Variants in WWOX observed in about 807,000 individuals in gnomAD.
WWOX encodes WW domain-containing oxidoreductase.
WWOX carries 69 observed loss-of-function variants against 46.2 expected under a neutral mutation model. The observed-to-expected ratio is 1.49, with a 90% confidence interval of 1.23 to 1.82. The LOEUF (loss-of-function observed/expected upper bound fraction) is 1.82, where lower values mean the gene tolerates loss of function less well. WWOX is among the 40% of genes most tolerant of loss of function. The pLI, the probability that WWOX is intolerant of heterozygous loss-of-function variation, is 0.00. For missense variants in WWOX, 919 were observed against 542.6 expected (o/e 1.69, Z -6.89); for synonymous variants, 359 against 202.6 (o/e 1.77, Z -6.56).
intron 8 of WWOX, among the ~76,000 whole-genome samples, chr16:78,673,855 T>C (rs563431979): frequency 1.1e-4 from 17 of 152,280 alleles, no homozygotes; most frequent in African/African-American, 3.6e-4. Context: ...GTTTGTGCCA[T>C]GCAAAAAACA....
chr16:79,138,273 A>C (rs2050021770), intron 8 of WWOX, among the ~76,000 whole-genome samples: 1 of 152,212 alleles, frequency 6.6e-6, no homozygotes, highest in Non-Finnish European at 1.5e-5. Flanking sequence ...TACTCATAGG[A>C]AAATGTGTAA....
intron 5 of WWOX, among the ~76,000 whole-genome samples, chr16:78,381,980 C>T (rs139187922): frequency 5.3e-5 from 8 of 152,276 alleles, no homozygotes; most frequent in East Asian, 3.9e-4. Flanking sequence ...ATCTTCCTGC[C>T]GCAGCCTCCT....
intron 4 of WWOX, among the ~76,000 whole-genome samples, chr16:78,144,182 A>G (rs2034085371): frequency 6.6e-6 from 1 of 151,808 alleles, no homozygotes; most frequent in Non-Finnish European, 1.5e-5. Flanking sequence ...GTCTATTACA[A>G]GCTGTTTTAA....
rs141197751 is a variant in WWOX, at chr16:78,392,686, G to A, written c.605+5738G>A. 3.6e-3 allele frequency among the ~76,000 whole-genome samples: 542 copies of A among 152,202 alleles called. 3 individuals carry two copies. The highest frequency in any genetic ancestry group is 0.015 in the South Asian group (70 of 4,806). ...TCTGTCTCCTGAGTTTCCTGTGAAA[G>A]GGTAGATAACTCAAGAGACTCAATC... is the stretch of plus-strand genomic sequence containing the variant. On this transcript the variant is annotated intron_variant, in intron 6 of 8. Coordinates refer to ENST00000566780, the MANE Select transcript of WWOX (RefSeq NM_016373.4).
intron 8 of WWOX, among the ~76,000 whole-genome samples, chr16:79,025,909 C>T (rs563584913): frequency 1.4e-5 from 2 of 145,822 alleles, no homozygotes; most frequent in South Asian, 4.3e-4. Context: ...AGTGATTCTC[C>T]TGCCTCACCC....
chr16:78,840,066 G>A (rs1567596479), intron 8 of WWOX, among the ~76,000 whole-genome samples: 1 of 152,176 alleles, frequency 6.6e-6, no homozygotes, highest in Non-Finnish European at 1.5e-5. Context: ...GATCAAATGA[G>A]TTAGCACATG....
chr16:78,175,541 G>A (rs914213008), intron 5 of WWOX, among the ~76,000 whole-genome samples: 18 of 152,280 alleles, frequency 1.2e-4, no homozygotes, highest in Middle Eastern at 3.4e-3. Flanking sequence ...CAGCCACCAT[G>A]TTGTGAGGAA....
intron 8 of WWOX, among the ~76,000 whole-genome samples, chr16:78,774,803 TG>T (rs2050150321): frequency 6.6e-6 from 1 of 152,108 alleles, no homozygotes; most frequent in Admixed American, 6.6e-5. Flanking sequence ...AACTGTGAGG[TG>T]CTCCCAGGAG....
chr16:78,577,701 C>T (rs1355500866), intron 8 of WWOX, among the ~76,000 whole-genome samples: 1 of 152,210 alleles, frequency 6.6e-6, no homozygotes, highest in Non-Finnish European at 1.5e-5. Flanking sequence ...CAATTCATAG[C>T]TCTGGGAGAC....
intron 8 of WWOX, among the ~76,000 whole-genome samples, chr16:78,841,821 G>C (rs1056117681): frequency 1.3e-5 from 2 of 152,194 alleles, no homozygotes; most frequent in African/African-American, 4.8e-5. Flanking sequence ...TTATGTGTGT[G>C]GGTAGATTAT....
chr16:78,774,638 T>G (rs2050146315), intron 8 of WWOX, among the ~76,000 whole-genome samples: 1 of 152,042 alleles, frequency 6.6e-6, no homozygotes, highest in Non-Finnish European at 1.5e-5. Context: ...TTCTTAACCA[T>G]GAGGTGCTCC....
At chr16:79,184,851 G>T (rs1170539445) in intron 8 of WWOX, among the ~76,000 whole-genome samples, 3 of 152,218 alleles carry the variant, frequency 2.0e-5, no homozygotes, top group African/African-American at 7.2e-5. Context: ...GTTGGCTCCA[G>T]AGGAAGGTGA....
rs115901561 is a variant in WWOX at position 78,614,063 on chromosome 16, G to C, written c.1056+181311G>C. 6.9e-3 allele frequency among the ~76,000 whole-genome samples: 1,056 copies of C among 152,256 alleles called. 13 individuals carry two copies. Among genetic ancestry groups the C allele is most frequent in the African/African-American group, 0.025 (1,029 of 41,554 alleles). On this transcript the variant is annotated intron_variant, in intron 8 of 8. Transcript: ENST00000566780. ...CTATCTGGCTCTTTGCAGAAAATGC[G>C]CTGAACCTTGCATGTTGTGTCACCC...
At chr16:78,928,852 T>C (rs993166342) in intron 8 of WWOX, among the ~76,000 whole-genome samples, 1 of 152,152 alleles carries the variant, frequency 6.6e-6, no homozygotes, top group East Asian at 1.9e-4. Context: ...GTCAAGAGAA[T>C]TATAATGTGT....
At chr16:78,680,960 A>C (rs1264417358) in intron 8 of WWOX, among the ~76,000 whole-genome samples, 3 of 152,016 alleles carry the variant, frequency 2.0e-5, no homozygotes, top group Non-Finnish European at 2.9e-5. Flanking sequence ...AAAACTAAAA[A>C]AATTTAGGCC....
At chr16:78,458,752 A>T (rs1312744569) in intron 8 of WWOX, among the ~76,000 whole-genome samples, 1 of 152,186 alleles carries the variant, frequency 6.6e-6, no homozygotes, top group East Asian at 1.9e-4. Flanking sequence ...ATAGAAGTAT[A>T]TATATAAATA....
intron 8 of WWOX, among the ~76,000 whole-genome samples, chr16:78,630,338 T>C (rs2046397940): frequency 6.6e-6 from 1 of 152,144 alleles, no homozygotes; most frequent in African/African-American, 2.4e-5. Flanking sequence ...GCTGTCACCA[T>C]TCCCAGATCA....
intron 8 of WWOX, among the ~76,000 whole-genome samples, chr16:78,823,687 G>C (rs1173789518): frequency 6.6e-6 from 1 of 152,128 alleles, no homozygotes; most frequent in Non-Finnish European, 1.5e-5. Context: ...GTGCATTTAA[G>C]GCCCGCCGAG....
intron 8 of WWOX, among the ~76,000 whole-genome samples, chr16:79,115,396 C>T (rs898706343): frequency 2.6e-5 from 4 of 152,118 alleles, no homozygotes; most frequent in East Asian, 3.9e-4. Context: ...GAAAGAAACT[C>T]GGGGCATGGA....
Sources: allele counts gnomAD v4.1 joint callset (sites outside exome capture counted in the v4.1 genomes callset), GRCh38; gene constraint gnomAD v4.1.1; transcripts MANE v1.5; gene names NCBI Gene and HGNC (gene_info 2026-07-23, HGNC 2026-07-21).